Variants in FOXP1 observed in about 807,000 individuals in gnomAD.
The protein encoded by FOXP1 is forkhead box P1.
FOXP1 carries 15 observed loss-of-function variants against 98.2 expected under a neutral mutation model. That is an observed-to-expected ratio of 0.15 (90% CI 0.10 to 0.24). The LOEUF is 0.24. Among genes scored for constraint, FOXP1 ranks in the 10% least tolerant of loss-of-function variants. The pLI, the probability that FOXP1 is intolerant of heterozygous loss-of-function variation, is 1.00. For missense variants in FOXP1, 633 were observed against 848.5 expected (o/e 0.75, Z 3.15); for synonymous variants, 371 against 314.5 (o/e 1.18, Z -1.90).
At chr3:71,409,966 G>A (rs2082617691) in intron 3 of FOXP1, among the ~76,000 whole-genome samples, 1 of 152,110 alleles carries the variant, frequency 6.6e-6, no homozygotes, top group African/African-American at 2.4e-5. Flanking sequence ...GGTGAGCTGT[G>A]ATCACACCAC....
intron 6 of FOXP1, among the ~76,000 whole-genome samples, chr3:71,176,361 A>G (rs137923245): frequency 3.9e-5 from 6 of 152,302 alleles, no homozygotes; most frequent in Non-Finnish European, 7.4e-5. Context: ...CTTGCAATTT[A>G]TTATGTGCAG....
At chr3:71,162,796 G>C (rs1390941090) in intron 6 of FOXP1, among the ~76,000 whole-genome samples, 1 of 152,164 alleles carries the variant, frequency 6.6e-6, no homozygotes, top group Non-Finnish European at 1.5e-5. Flanking sequence ...AGATTAATGA[G>C]GTAGGAGACC....
At chr3:70,987,092 C>T (rs1021212475) in intron 14 of FOXP1, among the ~76,000 whole-genome samples, 11 of 152,224 alleles carry the variant, frequency 7.2e-5, no homozygotes, top group Non-Finnish European at 1.3e-4. Context: ...TTAATTTTCA[C>T]ACAGTGACTC....
chr3:71,396,953 T>TATATATATACAC (rs1560424173), intron 3 of FOXP1, among the ~76,000 whole-genome samples: 5 of 53,004 alleles, frequency 9.4e-5, no homozygotes, highest in African/African-American at 3.8e-4. Context: ...TATATGTGTA[T>TATATATATACAC]ATATATATAT....
chr3:71,043,020 A>G (rs2048552658), intron 10 of FOXP1, among the ~76,000 whole-genome samples: 2 of 152,292 alleles, frequency 1.3e-5, no homozygotes, highest in African/African-American at 2.4e-5. Context: ...GATCGTTTGC[A>G]TATCAAAGAG....
chr3:71,045,397 C>T (rs927210891), intron 10 of FOXP1, among the ~76,000 whole-genome samples: 3 of 152,156 alleles, frequency 2.0e-5, no homozygotes, highest in African/African-American at 7.2e-5. Context: ...AACAATGAAC[C>T]TTAGTGAGCA....
At position 70,955,059 on chromosome 3, in the gene FOXP1, A is replaced by G. The variant is rs2031445140; in HGVS notation, c.*4188T>C. 4.3e-6 allele frequency: 1 copy of G among 232,164 alleles called. No individual in the cohort carries two copies. Among genetic ancestry groups the G allele is most frequent in the East Asian group, 6.1e-5 (1 of 16,432 alleles). 14.4% of individuals were successfully genotyped at this position (232,164 alleles called of 1,614,324 possible). Reference sequence around the variant, plus strand: ...AATCTGATTTTCAGGATAAAGAAGCAAAACTGACTTTGAAGACATCCAGAA... The same window carrying G: ...AATCTGATTTTCAGGATAAAGAAGCGAAACTGACTTTGAAGACATCCAGAA... On this transcript the variant is annotated 3_prime_UTR_variant, in exon 21 of 21. Coordinates refer to ENST00000649528, the MANE Select transcript of FOXP1 (RefSeq NM_001349338.3).
At chr3:71,515,600 G>A (rs758481559) in intron 2 of FOXP1, among the ~76,000 whole-genome samples, 11 of 151,974 alleles carry the variant, frequency 7.2e-5, no homozygotes, top group Non-Finnish European at 1.5e-4. Context: ...TAACATTACT[G>A]CAAAGTCCCA....
At chr3:71,501,961 T>C (rs775570388) in intron 2 of FOXP1, among the ~76,000 whole-genome samples, 69 of 152,154 alleles carry the variant, frequency 4.5e-4, no homozygotes, top group Admixed American at 3.7e-3. Flanking sequence ...ATTTGCAGGT[T>C]ATATCCTGGA....
chr3:71,518,705 C>G (rs990915796), intron 2 of FOXP1, among the ~76,000 whole-genome samples: 5 of 152,166 alleles, frequency 3.3e-5, no homozygotes, highest in African/African-American at 1.2e-4. Flanking sequence ...GAGGCCTTGT[C>G]AATTTGGAGA....
At chr3:71,336,597 C>T (rs1311416734) in intron 4 of FOXP1, among the ~76,000 whole-genome samples, 1 of 152,156 alleles carries the variant, frequency 6.6e-6, no homozygotes, top group East Asian at 1.9e-4. Flanking sequence ...TCCTGTATTA[C>T]CTAAATGAAC....
intron 12 of FOXP1, among the ~76,000 whole-genome samples, chr3:71,013,297 T>C (rs1241045235): frequency 1.3e-5 from 2 of 152,218 alleles, no homozygotes; most frequent in Non-Finnish European, 2.9e-5. Context: ...ATCTGCTTTC[T>C]ACATTTATAA....
chr3:71,417,622 C>T (rs193005529), intron 3 of FOXP1, among the ~76,000 whole-genome samples: 3 of 151,774 alleles, frequency 2.0e-5, no homozygotes. Context: ...TTTTAGGAGA[C>T]AAAAATTGAC....
intron 5 of FOXP1, among the ~76,000 whole-genome samples, chr3:71,255,721 T>G (rs2068567186): frequency 6.6e-6 from 1 of 152,192 alleles, no homozygotes; most frequent in Admixed American, 6.5e-5. Context: ...GAGTAATCCT[T>G]GGAGATGAAA....
chr3:71,529,865 G>A (rs2043692228), intron 2 of FOXP1, among the ~76,000 whole-genome samples: 2 of 152,130 alleles, frequency 1.3e-5, no homozygotes, highest in Admixed American at 6.5e-5. Flanking sequence ...CAATAAACCA[G>A]TAAACCTAAG....
intron 11 of FOXP1, among the ~76,000 whole-genome samples, chr3:71,031,792 C>G (rs1358759230): frequency 6.6e-6 from 1 of 152,110 alleles, no homozygotes; most frequent in Non-Finnish European, 1.5e-5. Context: ...AACAACAAAA[C>G]CCACTAATTT....
At chr3:71,578,980 T>C (rs1039478124) in intron 2 of FOXP1, among the ~76,000 whole-genome samples, 1 of 152,220 alleles carries the variant, frequency 6.6e-6, no homozygotes, top group Non-Finnish European at 1.5e-5. Flanking sequence ...TTAACCCACA[T>C]TGCTTAATTA....
chr3:70,982,090 GAAGA>G (rs548231716), intron 14 of FOXP1, among the ~76,000 whole-genome samples: 2 of 152,166 alleles, frequency 1.3e-5, no homozygotes, highest in African/African-American at 4.8e-5. Context: ...AAAGAATGGA[GAAGA>G]AAGACTCAAA....
intron 7 of FOXP1, among the ~76,000 whole-genome samples, chr3:71,111,880 T>C (rs2057960790): frequency 2.0e-5 from 3 of 152,180 alleles, no homozygotes; most frequent in African/African-American, 2.4e-5. Context: ...ATTGGGTATA[T>C]ATTATAATCA....
Sources: gnomAD v4.1 joint callset for allele counts (sites outside exome capture counted in the v4.1 genomes callset) on GRCh38, gnomAD v4.1.1 for gene constraint, MANE v1.5 for transcripts, NCBI Gene and HGNC (gene_info 2026-07-23, HGNC 2026-07-21) for gene names.